MDN1: variants seen among roughly 807,000 people sequenced by gnomAD.
MDN1 encodes midasin AAA ATPase 1.
Under a neutral mutation model 669.2 loss-of-function variants are expected in MDN1, and 266 were observed. The observed-to-expected ratio is 0.40, with a 90% CI of 0.36 to 0.44. MDN1 has a LOEUF of 0.44. Ranked by LOEUF, MDN1 falls within the 20% of genes least tolerant of loss-of-function variation. MDN1 has a pLI of 1.00. For missense variants in MDN1, 5,940 were observed against 6,754.0 expected (o/e 0.88, Z 4.22); for synonymous variants, 2,385 against 2,457.1 (o/e 0.97, Z 0.87).
chr6:89,739,306 C>A (rs1816164914), intron 32 of MDN1, among the ~76,000 whole-genome samples: 1 of 152,158 alleles, frequency 6.6e-6, no homozygotes, highest in African/African-American at 2.4e-5. Flanking sequence ...GACAGCCAAG[C>A]TAATATACAC....
intron 53 of MDN1, among the ~76,000 whole-genome samples, chr6:89,705,352 T>C (rs532185859): frequency 3.3e-5 from 5 of 152,206 alleles, no homozygotes; most frequent in African/African-American, 7.2e-5. Flanking sequence ...TTTAAGAGTA[T>C]AGAGGCAGAG....
At chr6:89,648,381 G>C (rs1379645280) in intron 97 of MDN1, 52 bp from the exon 98 acceptor site, 1 of 1,534,334 alleles carries the variant, frequency 6.5e-7, no homozygotes, top group Non-Finnish European at 9.0e-7. Context: ...CTCTAAACCA[G>C]AGCCTCTCAA....
chr6:89,768,151 C>G (rs1817896678), intron 15 of MDN1, among the ~76,000 whole-genome samples: 1 of 152,174 alleles, frequency 6.6e-6, no homozygotes, highest in South Asian at 2.1e-4. Context: ...GGGAGGACTA[C>G]TTGATCTCAG....
chr6:89,775,338 G>C (rs576766524), intron 12 of MDN1, among the ~76,000 whole-genome samples: 18 of 152,264 alleles, frequency 1.2e-4, no homozygotes, highest in African/African-American at 4.3e-4. Flanking sequence ...TCTTTCTCAT[G>C]ATTAACATAT....
intron 38 of MDN1, 57 bp downstream of exon 38, chr6:89,725,142 A>G: frequency 2.0e-6 from 3 of 1,480,534 alleles, no homozygotes; most frequent in South Asian, 2.3e-5. Context: ...GCTTCATAAT[A>G]GTAGTCTTAT....
rs1021773521 is a variant in MDN1 at position 89,751,514 on chromosome 6, C to T, written c.3144G>A (p.Lys1048=). 2.5e-6 allele frequency: 4 copies of T among 1,614,118 alleles called. No individual in the cohort carries two copies. The highest frequency in any genetic ancestry group is 3.4e-6 in the Non-Finnish European group (4 of 1,179,998). The part of the protein sequence containing the change: ...VEGYWIAVGD[K]EPTIDETYIL... ...TGTACGTCTCATCTATTGTAGGCTC[C>T]TTGTCTCCCACCGCAATCCAGTAGC... The change falls in exon 23 of 102, where the codon AAG becomes AAA. Residue 1048 remains lysine (K), a synonymous_variant. Coordinates refer to ENST00000369393, the MANE Select transcript of MDN1 (RefSeq NM_014611.3).
At chr6:89,783,448 C>T (rs1818788826) in intron 9 of MDN1, among the ~76,000 whole-genome samples, 1 of 152,178 alleles carries the variant, frequency 6.6e-6, no homozygotes, top group Admixed American at 6.5e-5. Flanking sequence ...AGATGTTTAT[C>T]AAGACAATAC....
At chr6:89,713,894 C>T (rs1280357517) in intron 46 of MDN1, among the ~76,000 whole-genome samples, 1 of 151,668 alleles carries the variant, frequency 6.6e-6, no homozygotes, top group South Asian at 2.1e-4. Context: ...AAAAATTAGC[C>T]GGGCGTGGTG....
chr6:89,755,645 T>C (rs1817207012), intron 20 of MDN1, among the ~76,000 whole-genome samples: 1 of 152,198 alleles, frequency 6.6e-6, no homozygotes, highest in Admixed American at 6.5e-5. Flanking sequence ...TTCAATCCTT[T>C]TACATGTTGT....
intron 51 of MDN1, among the ~76,000 whole-genome samples, chr6:89,708,058 T>G (rs1293843257): frequency 1.3e-5 from 2 of 151,914 alleles, no homozygotes; most frequent in Non-Finnish European, 2.9e-5. Flanking sequence ...CCCCGGCACT[T>G]TGGGAGAATG....
Position 89,654,419 on chromosome 6 carries a change from T to C in MDN1, c.15491-85A>G, listed in dbSNP as rs1476963218. ...AATAAGTGGGTATGGTTTCTGTCAT[T>C]CTAGCTTCCAAAATGCTAGTGATGC... On this transcript the variant is annotated intron_variant, in intron 92 of 101. Transcript: ENST00000369393. 6 of 1,533,662 alleles carry C rather than the reference T, an allele frequency of 3.9e-6. No homozygotes were observed. The East Asian group carries it at 1.4e-4, about 35-fold the overall frequency.
chr6:89,782,500 G>A (rs1056703811), intron 9 of MDN1, among the ~76,000 whole-genome samples: 1 of 151,912 alleles, frequency 6.6e-6, no homozygotes, highest in Non-Finnish European at 1.5e-5. Context: ...GCTGAGCTGG[G>A]AAGATCACCT....
chr6:89,670,170 A>ATATATATATATATTT (rs1444537561), intron 83 of MDN1, among the ~76,000 whole-genome samples: 2 of 23,412 alleles, frequency 8.5e-5, no homozygotes, highest in Non-Finnish European at 1.2e-4. Flanking sequence ...ATATATATAT[A>ATATATATATATATTT]TTTTTTTTTT....
rs1554186697 is a variant in MDN1 at position 89,722,865 on chromosome 6, A to AAAT, written c.5967+89_5967+90insATT. ...CAGTCTCAAAAAAAAAAAAAAAAAA[A>AAAT]AAGGCTTGCAATTAGTGTATGTCCT... On this transcript the variant is annotated intron_variant, in intron 40 of 101. Coordinates refer to ENST00000369393, the MANE Select transcript of MDN1 (RefSeq NM_014611.3). The AAAT allele has an allele frequency of 6.5e-4, 545 of 839,670 alleles. 11 individuals carry two copies. The highest frequency in any genetic ancestry group is 7.9e-4 in the Non-Finnish European group (469 of 591,812). The allele number at this position is 839,670 out of a possible 1,614,324, so 52.0% of individuals were successfully genotyped here. A position where few individuals can be genotyped will look rare whatever the true frequency, so the allele number is the denominator to read the frequency against.
intron 76 of MDN1, among the ~76,000 whole-genome samples, chr6:89,676,848 C>G (rs1055039954): frequency 6.6e-6 from 1 of 152,104 alleles, no homozygotes; most frequent in South Asian, 2.1e-4. Flanking sequence ...GTGTTGTAAA[C>G]AGAGGTAGCT....
At chr6:89,731,415 T>G (rs1484648574) in intron 34 of MDN1, among the ~76,000 whole-genome samples, 1 of 152,116 alleles carries the variant, frequency 6.6e-6, no homozygotes, top group Non-Finnish European at 1.5e-5. Flanking sequence ...ATATACAGCA[T>G]GGAATACTAC....
chr6:89,661,964 TGA>T, intron 87 of MDN1, 121 bp downstream of exon 87: 1 of 1,109,244 alleles, frequency 9.0e-7, no homozygotes, highest in Non-Finnish European at 1.3e-6. Context: ...TATTCTTTTA[TGA>T]GGTAATGGGA....
At chr6:89,677,031 AAAAG>A (rs1288028224) in intron 76 of MDN1, among the ~76,000 whole-genome samples, 5 of 151,878 alleles carry the variant, frequency 3.3e-5, no homozygotes, top group African/African-American at 4.8e-5. Flanking sequence ...AAAAAAAAAA[AAAAG>A]GGAAGAAGAA....
rs116102140 is a variant in MDN1 at position 89,813,219 on chromosome 6, G to A, written c.102+6287C>T. Among the ~76,000 whole-genome samples, 1,247 of 152,264 alleles carry A rather than the reference G, an allele frequency of 8.2e-3. 19 individuals carry two copies. The highest frequency in any genetic ancestry group is 0.029 in the African/African-American group (1,200 of 41,578). On this transcript the variant is annotated intron_variant, in intron 1 of 101. Coordinates refer to ENST00000369393, the MANE Select transcript of MDN1 (RefSeq NM_014611.3). Reference sequence around the variant, plus strand: ...CCTCCCAAAGTGCTGGTACAGGCCTGAGCCATCGTGCCCGGCCACAAAATT... The same window carrying A: ...CCTCCCAAAGTGCTGGTACAGGCCTAAGCCATCGTGCCCGGCCACAAAATT...
Sources: allele counts gnomAD v4.1 joint callset (sites outside exome capture counted in the v4.1 genomes callset), GRCh38; gene constraint gnomAD v4.1.1; transcripts MANE v1.5; gene names NCBI Gene and HGNC (gene_info 2026-07-23, HGNC 2026-07-21).